Variants in ALX4 observed in about 807,000 individuals in gnomAD.
ALX4 encodes the protein homeobox protein aristaless-like 4.
Under a neutral mutation model 40.6 loss-of-function variants are expected in ALX4, and 22 were observed. The ratio of observed to expected loss-of-function variants is 0.54; its 90% CI spans 0.39 to 0.77. The LOEUF (loss-of-function observed/expected upper bound fraction) is 0.77. Ranked by LOEUF, ALX4 falls within the 30% of genes least tolerant of loss-of-function variation. The probability of loss-of-function intolerance (pLI) is 0.00; values close to 1 mark genes in which losing one functional copy is unlikely to be tolerated. For synonymous variants in ALX4, 266 were observed against 240.5 expected, an observed-to-expected ratio of 1.11 and a Z score of -0.98; for missense variants, 556 against 564.8, an observed-to-expected ratio of 0.98 and a Z score of 0.16.
chr11:44,282,921 G>C (rs985913280), intron 1 of ALX4, among the ~76,000 whole-genome samples: 1 of 152,206 alleles, frequency 6.6e-6, no homozygotes, highest in Non-Finnish European at 1.5e-5. Context: ...ATACATGAGT[G>C]TGTTAAAACT....
chr11:44,271,998 C>T (rs1956250885), intron 2 of ALX4, among the ~76,000 whole-genome samples: 1 of 152,236 alleles, frequency 6.6e-6, no homozygotes, highest in Admixed American at 6.5e-5. Context: ...GCCCCTTTCT[C>T]TACCTACACC....
chr11:44,282,373 G>A (rs577080176), intron 1 of ALX4, among the ~76,000 whole-genome samples: 3 of 152,262 alleles, frequency 2.0e-5, no homozygotes, highest in Admixed American at 6.5e-5. Context: ...TGGAGCACCC[G>A]GAACTCCCAT....
At chr11:44,286,044 GCACA>G (rs1956336826) in intron 1 of ALX4, among the ~76,000 whole-genome samples, 2 of 152,248 alleles carry the variant, frequency 1.3e-5, no homozygotes, top group Non-Finnish European at 2.9e-5. Context: ...AGCTCTGCAG[GCACA>G]GCTGAGGGTG....
Position 44,275,580 on chromosome 11 carries a change from A to C in ALX4, c.545T>G (p.Val182Gly). 6.2e-7 allele frequency: 1 copy of C among 1,614,038 alleles called. No individual in the cohort carries two copies. Among genetic ancestry groups the C allele is most frequent in the Non-Finnish European group, 8.5e-7 (1 of 1,179,966 alleles). The change falls in exon 2 of 4, where the codon GTC (valine) becomes GGC (glycine). Residue 182 changes from valine (V) to glycine (G), a missense_variant. Coordinates refer to ENST00000652299, the MANE Select transcript of ALX4 (RefSeq NM_021926.4). ...TVGMDSSYLS[V>G]KEAGVKGPQD... ...GGGCCCCTTCACCCCAGCCTCCTTG[A>C]CACTCAGGTAGCTGCTGTCCATCCC...
chr11:44,270,898 G>T (rs550573706), intron 2 of ALX4, among the ~76,000 whole-genome samples: 1 of 152,184 alleles, frequency 6.6e-6, no homozygotes, highest in African/African-American at 2.4e-5. Flanking sequence ...GGCCCAGGGC[G>T]GGGAGGCCTC....
intron 2 of ALX4, among the ~76,000 whole-genome samples, chr11:44,273,187 GA>G (rs1478281643): frequency 3.6e-5 from 2 of 55,578 alleles, no homozygotes; most frequent in African/African-American, 1.1e-4. Flanking sequence ...GCGCTTTGCT[GA>G]TTAAAAAAAA....
intron 1 of ALX4, among the ~76,000 whole-genome samples, chr11:44,296,845 C>T (rs1157647000): frequency 6.6e-6 from 1 of 152,064 alleles, no homozygotes; most frequent in African/African-American, 2.4e-5. Flanking sequence ...CCCATCTCTA[C>T]TAAAAACACA....
At chr11:44,288,759 G>A (rs1485081703) in intron 1 of ALX4, among the ~76,000 whole-genome samples, 2 of 152,168 alleles carry the variant, frequency 1.3e-5, no homozygotes, top group Non-Finnish European at 2.9e-5. Context: ...GCTACTGTTG[G>A]AACTTAAAAG....
chr11:44,298,107 C>G (rs1869480), intron 1 of ALX4, among the ~76,000 whole-genome samples: 63,491 of 152,070 alleles, frequency 0.42, 13,675 homozygotes, highest in Admixed American at 0.51. Context: ...GCTGAAGGAT[C>G]TGTTGGATGT....
At chr11:44,306,989 C>A (rs1956472334) in intron 1 of ALX4, among the ~76,000 whole-genome samples, 1 of 152,186 alleles carries the variant, frequency 6.6e-6, no homozygotes, top group African/African-American at 2.4e-5. Context: ...TTGCCCCGAG[C>A]AGTGCCTCCA....
chr11:44,292,079 A>T (rs1956372895), intron 1 of ALX4, among the ~76,000 whole-genome samples: 1 of 152,156 alleles, frequency 6.6e-6, no homozygotes, highest in African/African-American at 2.4e-5. Context: ...GGCCTCCCAA[A>T]GTGCTGGGAT....
chr11:44,283,690 A>T (rs1956322551), intron 1 of ALX4, among the ~76,000 whole-genome samples: 1 of 152,128 alleles, frequency 6.6e-6, no homozygotes, highest in Non-Finnish European at 1.5e-5. Context: ...CGGCCTCCTG[A>T]GTAGCCAGGA....
intron 1 of ALX4, among the ~76,000 whole-genome samples, chr11:44,299,995 C>G (rs1373892359): frequency 6.6e-6 from 1 of 152,214 alleles, no homozygotes; most frequent in Non-Finnish European, 1.5e-5. Context: ...TGGGCTGTCT[C>G]ATGGTTCTGC....
intron 1 of ALX4, among the ~76,000 whole-genome samples, chr11:44,285,069 A>AT (rs1956330960): frequency 6.6e-6 from 1 of 152,050 alleles, no homozygotes; most frequent in Non-Finnish European, 1.5e-5. Flanking sequence ...GGTTCAAGCT[A>AT]TTCTCCTGCC....
chr11:44,296,174 A>T (rs1288897553), intron 1 of ALX4, among the ~76,000 whole-genome samples: 1 of 152,172 alleles, frequency 6.6e-6, no homozygotes, highest in Non-Finnish European at 1.5e-5. Flanking sequence ...TGCGCAATTG[A>T]TTTTCAACAA....
At chr11:44,267,727 T>C (rs1388698422) in intron 2 of ALX4, 105 bp from the exon 3 acceptor site, 2 of 1,529,208 alleles carry the variant, frequency 1.3e-6, no homozygotes, top group Non-Finnish European at 1.8e-6. Context: ...TCAGTTGCAG[T>C]GCGTTTGGGA....
chr11:44,283,771 C>T (rs1956323101), intron 1 of ALX4, among the ~76,000 whole-genome samples: 1 of 152,176 alleles, frequency 6.6e-6, no homozygotes, highest in Non-Finnish European at 1.5e-5. Context: ...CTCATGTTGC[C>T]CAGGCTGGTC....
At chr11:44,270,574 T>C (rs1036711124) in intron 2 of ALX4, among the ~76,000 whole-genome samples, 4 of 152,076 alleles carry the variant, frequency 2.6e-5, no homozygotes, top group Non-Finnish European at 4.4e-5. Context: ...TCCTGAGGCT[T>C]GGAGTGTCCA....
intron 1 of ALX4, among the ~76,000 whole-genome samples, chr11:44,296,094 C>T (rs1956401049): frequency 1.3e-5 from 2 of 152,204 alleles, no homozygotes; most frequent in South Asian, 4.1e-4. Context: ...GACTTCACAT[C>T]AGAAGATCAT....
Sources: allele counts gnomAD v4.1 joint callset (sites outside exome capture counted in the v4.1 genomes callset), GRCh38; gene constraint gnomAD v4.1.1; transcripts MANE v1.5; gene names NCBI Gene and HGNC (gene_info 2026-07-23, HGNC 2026-07-21).